Variants in RUBCNL observed in about 807,000 individuals in gnomAD.
RUBCNL encodes the protein rubicon like autophagy enhancer, also known as protein associated with UVRAG as autophagy enhancer.
RUBCNL carries 62 observed loss-of-function variants against 69.5 expected under a neutral mutation model. The observed-to-expected ratio is 0.89, with a 90% CI of 0.73 to 1.10. The LOEUF (loss-of-function observed/expected upper bound fraction) is 1.10. Ranked by LOEUF, RUBCNL falls within the 50% of genes least tolerant of loss-of-function variation. The probability of loss-of-function intolerance (pLI) is 0.00; values close to 1 mark genes in which losing one functional copy is unlikely to be tolerated. For missense variants in RUBCNL, 768 were observed against 798.1 expected (o/e 0.96, Z 0.45); for synonymous variants, 291 against 303.6 (o/e 0.96, Z 0.43).
Position 46,343,577 on chromosome 13 carries a change from G to C in RUBCNL, c.1877-80C>G, listed in dbSNP as rs1022782931. ...TCTGCAGACATTCGTCTCCATCCTA[G>C]GGAGGGAGAGGGGTCTGAATCCAGA... On this transcript the variant is annotated intron_variant, in intron 14 of 14. Coordinates refer to ENST00000429979, the MANE Select transcript of RUBCNL (RefSeq NM_025113.5). 103 of 1,388,852 alleles carry C rather than the reference G, an allele frequency of 7.4e-5. 3 individuals carry two copies. In the East Asian group the frequency reaches 2.5e-3, roughly 33 times the overall value. The allele number at this position is 1,388,852 out of a possible 1,614,324, so 86.0% of individuals were successfully genotyped here.
intron 2 of RUBCNL, among the ~76,000 whole-genome samples, chr13:46,376,227 G>A (rs181442851): frequency 3.9e-5 from 6 of 152,064 alleles, no homozygotes; most frequent in African/African-American, 1.4e-4. Context: ...GGGTGTTAGT[G>A]TCCCTAACCC....
rs550621499 is a variant in RUBCNL at position 46,336,343 on chromosome 13, G to A, written c.*7042C>T. Among the ~76,000 whole-genome samples, 1 of 152,216 alleles carries A rather than the reference G, an allele frequency of 6.6e-6. No homozygotes were observed. The highest frequency in any genetic ancestry group is 2.4e-5 in the African/African-American group (1 of 41,534). Reference sequence around the variant, plus strand: ...CACTGTGGGCATGGACAGTAGAAATGCAACCATTACTCTTAAAAGTTGTAT... The same window carrying A: ...CACTGTGGGCATGGACAGTAGAAATACAACCATTACTCTTAAAAGTTGTAT... On this transcript the variant is annotated 3_prime_UTR_variant, in exon 15 of 15. Transcript: ENST00000429979.
In RUBCNL at chr13:46,368,145, GACTTCTTT is replaced by G. The variant is rs1215001379; in HGVS notation, c.715_722del (p.Lys239GlnfsTer7). 6.2e-6 allele frequency: 10 copies of G among 1,613,946 alleles called. No homozygotes were observed. The highest frequency in any genetic ancestry group is 8.5e-6 in the Non-Finnish European group (10 of 1,179,878). ...GCTGATCACTCCCAAGTAACCCACTGACTTCTTTACTCCAGCTCTCTGTCTGCTGTTGA... is the reference window on the plus strand; with the variant it reads ...GCTGATCACTCCCAAGTAACCCACTGACTCCAGCTCTCTGTCTGCTGTTGA... On this transcript the variant is annotated frameshift_variant, in exon 5 of 15. Transcript: ENST00000429979. LOFTEE classifies it high-confidence loss of function.
chr13:46,358,584 C>T (rs548105404), intron 9 of RUBCNL, among the ~76,000 whole-genome samples: 1 of 152,236 alleles, frequency 6.6e-6, no homozygotes, highest in South Asian at 2.1e-4. Flanking sequence ...GATCGAGTCT[C>T]GCTCTGTCAC....
At chr13:46,387,971 G>T (rs1301563512), upstream of RUBCNL, 9 of 466,150 alleles carry the variant, frequency 1.9e-5, no homozygotes, top group Admixed American at 6.4e-5. Flanking sequence ...ACCTACTTTG[G>T]GAGGCCAAGT....
chr13:46,339,790 C>T lies in RUBCNL; in HGVS notation c.*3595G>A, dbSNP rs1480606982. Among the ~76,000 whole-genome samples, 4 of 151,928 alleles carry T rather than the reference C, an allele frequency of 2.6e-5. No homozygotes were observed. Among genetic ancestry groups the T allele is most frequent in the Admixed American group, 2.0e-4 (3 of 15,246 alleles). ...AGGAAAATCACTTGAACCCAGGTGG[C>T]GGAGGTTGAAGTGAGCTGAGATCGC... On this transcript the variant is annotated 3_prime_UTR_variant, in exon 15 of 15. Coordinates refer to ENST00000429979, the MANE Select transcript of RUBCNL (RefSeq NM_025113.5).
chr13:46,367,785 G>A (rs2048790072), intron 5 of RUBCNL, among the ~76,000 whole-genome samples: 1 of 152,086 alleles, frequency 6.6e-6, no homozygotes, highest in Non-Finnish European at 1.5e-5. Flanking sequence ...CACACGTCTT[G>A]CCATGTCCCC....
chr13:46,362,591 T>C lies in RUBCNL; in HGVS notation c.933A>G (p.Gly311=). ...AGGTTTCTGTGATATCATTAAAATCTCCAAGCTCTGTGGGAAAATAAAAGA... is the reference window on the plus strand; with the variant it reads ...AGGTTTCTGTGATATCATTAAAATCCCCAAGCTCTGTGGGAAAATAAAAGA... ...DVDEFVILEL[G]DFNDITETCS... The change falls in exon 7 of 15, where the codon GGA becomes GGG. Residue 311 remains glycine, a synonymous_variant. Transcript: ENST00000429979. 6.2e-7 allele frequency: 1 copy of C among 1,606,986 alleles called. No homozygotes were observed. Among genetic ancestry groups the C allele is most frequent in the Non-Finnish European group, 8.5e-7 (1 of 1,176,420 alleles).
Position 46,368,186 on chromosome 13 carries a change from T to C in RUBCNL, c.682A>G (p.Ile228Val), listed in dbSNP as rs749638649. ...CTCTCTGTCTGCTGTTGACTCAGAA[T>C]GTTACACTTCATTTTCTCCATTGCT... ...ISAMEKMKCN[I>V]LSQQQTESWS... The change falls in exon 5 of 15, where the codon ATT (isoleucine) becomes GTT (valine). Residue 228 changes from isoleucine to valine, a missense_variant. By Grantham distance (29) the Ile-to-Val change is conservative (BLOSUM62 3). Coordinates refer to ENST00000429979, the MANE Select transcript of RUBCNL (RefSeq NM_025113.5). The C allele has an allele frequency of 6.2e-7, 1 of 1,614,010 alleles. No individual in the cohort carries two copies. Among genetic ancestry groups the C allele is most frequent in the South Asian group, 1.1e-5 (1 of 91,084 alleles).
rs139148414 is a variant in RUBCNL at position 46,358,853 on chromosome 13, C to T, written c.1265+633G>A. Among the ~76,000 whole-genome samples, 271 of 152,256 alleles carry T rather than the reference C, an allele frequency of 1.8e-3. 1 individual carries two copies. The highest frequency in any genetic ancestry group is 2.9e-3 in the Non-Finnish European group (198 of 68,006). ...GGGATTATAGACAGGTGTGAGCCAC[C>T]GTACCCGGCCTCTGTAACATTTCTT... On this transcript the variant is annotated intron_variant, in intron 9 of 14. Transcript: ENST00000429979.
At chr13:46,348,131 A>G (rs1304446605) in intron 12 of RUBCNL, among the ~76,000 whole-genome samples, 1 of 152,196 alleles carries the variant, frequency 6.6e-6, no homozygotes, top group Non-Finnish European at 1.5e-5. Flanking sequence ...TGTGTGGGCA[A>G]AATCATGGAG....
At chr13:46,388,208 A>AAC (rs2049290666), upstream of RUBCNL, among the ~76,000 whole-genome samples, 4 of 149,080 alleles carry the variant, frequency 2.7e-5, no homozygotes, top group Admixed American at 2.7e-4. Flanking sequence ...TCAAAAAAAA[A>AAC]AAAAAAAAAA....
In RUBCNL at chr13:46,350,250, T is replaced by G. The variant is rs1348802238; in HGVS notation, c.1432A>C (p.Met478Leu). Residue 478 changes from methionine to leucine, a missense_variant, in exon 11 of 15, where the codon ATG (methionine) becomes CTG (leucine). Met to Leu is a conservative substitution (Grantham distance 15). Transcript: ENST00000429979. ...ESCIPARILM[M>L]WDFKKYYVSN... ...ACGTAGTACTTCTTGAAGTCCCACA[T>G]CATCAGGATTCGGGCAGGGATGCAC... The G allele has an allele frequency of 6.3e-7, 1 of 1,591,416 alleles. No homozygotes were observed. The highest frequency in any genetic ancestry group is 8.6e-7 in the Non-Finnish European group (1 of 1,168,666).
intron 10 of RUBCNL, chr13:46,354,877 C>G (rs1192022555): frequency 2.2e-6 from 1 of 456,088 alleles, no homozygotes; most frequent in Non-Finnish European, 4.4e-6. Flanking sequence ...AGGGAAATAA[C>G]AAAAAGTTGG....
rs753351541 is a variant in RUBCNL, at chr13:46,343,297, A to C, written c.*88T>G. On this transcript the variant is annotated 3_prime_UTR_variant, in exon 15 of 15. Transcript: ENST00000429979. ...CTTTTTCCTTAATATACAATACCCA[A>C]TATCTAAAACAATGTCACCAATAAT... 1 of 1,547,882 alleles carries C rather than the reference A, an allele frequency of 6.5e-7. No homozygotes were observed. The highest frequency in any genetic ancestry group is 8.8e-7 in the Non-Finnish European group (1 of 1,141,308).
At chr13:46,369,425 G>A (rs1296983547) in intron 3 of RUBCNL, among the ~76,000 whole-genome samples, 1 of 152,056 alleles carries the variant, frequency 6.6e-6, no homozygotes, top group Non-Finnish European at 1.5e-5. Context: ...AGCTTGCCCA[G>A]GCTGGTCTCA....
rs758483239 is a variant in RUBCNL at position 46,345,573 on chromosome 13, C to T, written c.1659G>A (p.Pro553=). 10 of 1,613,414 alleles carry T rather than the reference C, an allele frequency of 6.2e-6. No homozygotes were observed. In the Middle Eastern group the frequency reaches 6.6e-4, roughly 106 times the overall value. The change falls in exon 13 of 15, where the codon CCG becomes CCA. Residue 553 remains proline (P), a synonymous_variant. Transcript: ENST00000429979. ...NSALKEFEQV[P]GHLTDELHLF... ...GGTGGAGCTCATCAGTCAAGTGTCC[C>T]GGCACCTGCTCGAACTCCTTTAATG... is the stretch of plus-strand genomic sequence containing the variant.
intron 10 of RUBCNL, 110 bp downstream of exon 10, chr13:46,356,322 T>C (rs1394614295): frequency 9.6e-7 from 1 of 1,047,008 alleles, no homozygotes; most frequent in Non-Finnish European, 1.4e-6. Flanking sequence ...GAAGCTCTTA[T>C]AACAACTTCT....
At chr13:46,376,317 TATAG>T (rs1298957572) in intron 2 of RUBCNL, among the ~76,000 whole-genome samples, 4 of 152,106 alleles carry the variant, frequency 2.6e-5, no homozygotes, top group African/African-American at 7.2e-5. Flanking sequence ...TCTGGAGGCA[TATAG>T]ATATATATAT....
Sources: gnomAD v4.1 joint callset for allele counts (sites outside exome capture counted in the v4.1 genomes callset) on GRCh38, gnomAD v4.1.1 for gene constraint, MANE v1.5 for transcripts, NCBI Gene and HGNC (gene_info 2026-07-23, HGNC 2026-07-21) for gene names.